Variants in HIPK1 observed in about 807,000 individuals in gnomAD.
The protein encoded by HIPK1 is homeodomain interacting protein kinase 1, also known as homeodomain-interacting protein kinase 1.
HIPK1 carries 28 observed loss-of-function variants against 117.1 expected under a neutral mutation model. The observed-to-expected ratio is 0.24, with a 90% CI of 0.18 to 0.33. The LOEUF (loss-of-function observed/expected upper bound fraction) is 0.33. Among genes scored for constraint, HIPK1 ranks in the 10% least tolerant of loss-of-function variants. The pLI is 1.00. For synonymous variants in HIPK1, 605 were observed against 562.5 expected, an observed-to-expected ratio of 1.08 and a Z score of -1.07; for missense variants, 1,122 against 1,475.1, an observed-to-expected ratio of 0.76 and a Z score of 3.92.
At chr1:113,971,796 A>G (rs754432055) in intron 14 of HIPK1, 28 bp from the exon 15 acceptor site, 69 of 1,583,172 alleles carry the variant, frequency 4.4e-5, no homozygotes, top group Non-Finnish European at 5.3e-5. Flanking sequence ...ATGTCTACTC[A>G]TAACTATTAA....
At chr1:113,967,999 T>C (rs747213519) in intron 12 of HIPK1, 51 bp downstream of exon 12, 6 of 1,507,730 alleles carry the variant, frequency 4.0e-6, no homozygotes, top group Admixed American at 2.1e-5. Context: ...TTGAGAGATA[T>C]GTTGCCTTGC....
chr1:113,958,096 G>A lies in HIPK1; in HGVS notation c.1786G>A (p.Ala596Thr). The A allele has an allele frequency of 1.2e-6, 2 of 1,614,016 alleles. No homozygotes were observed. Among genetic ancestry groups the A allele is most frequent in the Non-Finnish European group, 1.7e-6 (2 of 1,179,928 alleles). Residue 596 changes from alanine to threonine, a missense_variant, in exon 8 of 16, where the codon GCA becomes ACA. Ala to Thr is a moderately conservative substitution (Grantham distance 58). This residue lies in a region of HIPK1 where 731 missense variants were observed against 860.4 expected (regional missense o/e 0.85). Coordinates refer to ENST00000426820, the MANE Select transcript of HIPK1 (RefSeq NM_198268.3). ...ASVLASSSTA[A>T]AATLSLANSD... is the part of the protein sequence containing the mutation. ...TGTTCTAGCTTCCAGTTCTACTGCA[G>A]CAGCTGCTACTCTTTCTCTGGCTAA...
intron 1 of HIPK1, among the ~76,000 whole-genome samples, chr1:113,938,352 G>T (rs549232574): frequency 1.1e-4 from 17 of 150,590 alleles, no homozygotes; most frequent in Non-Finnish European, 2.2e-4. Context: ...TGATCCTCCT[G>T]CCTGGGCCTC....
At chr1:113,950,982 A>G (rs1245286299) in intron 2 of HIPK1, among the ~76,000 whole-genome samples, 1 of 152,240 alleles carries the variant, frequency 6.6e-6, no homozygotes, top group Non-Finnish European at 1.5e-5. Flanking sequence ...CCATTAAACT[A>G]AAATATACCA....
chr1:113,938,075 C>G (rs986204308), intron 1 of HIPK1, among the ~76,000 whole-genome samples: 18 of 151,378 alleles, frequency 1.2e-4, no homozygotes, highest in African/African-American at 3.9e-4. Flanking sequence ...GATGATTTTC[C>G]TGCTTCAGCC....
intron 2 of HIPK1, among the ~76,000 whole-genome samples, chr1:113,948,876 C>T (rs776009033): frequency 1.3e-5 from 2 of 151,986 alleles, no homozygotes; most frequent in Non-Finnish European, 2.9e-5. Flanking sequence ...TTCGCTCTTA[C>T]GCCCAGTCTG....
At chr1:113,930,299 C>G (rs1669781226) in intron 1 of HIPK1, among the ~76,000 whole-genome samples, 1 of 152,248 alleles carries the variant, frequency 6.6e-6, no homozygotes, top group South Asian at 2.1e-4. Context: ...CAGTGTGTGG[C>G]TTGTGCGTGT....
In HIPK1 at chr1:113,947,468, C is replaced by G. The variant is rs191844202; in HGVS notation, c.1077-5298C>G. On this transcript the variant is annotated intron_variant, in intron 2 of 15. Coordinates refer to ENST00000426820, the MANE Select transcript of HIPK1 (RefSeq NM_198268.3). The stretch of plus-strand genomic sequence containing the variant: ...CTCTGGCAGTCAAAATATAGTTTCA[C>G]CTAAGCCACTGATGCAGGAAGTTAG... 5.1e-4 allele frequency among the ~76,000 whole-genome samples: 78 copies of G among 152,272 alleles called. 1 individual carries two copies. In the East Asian group the frequency reaches 0.013, roughly 25 times the overall value.
intron 1 of HIPK1, among the ~76,000 whole-genome samples, chr1:113,930,326 C>T (rs1445292926): frequency 6.6e-6 from 1 of 152,230 alleles, no homozygotes; most frequent in Non-Finnish European, 1.5e-5. Flanking sequence ...CACAGCTCCG[C>T]TTATCACCAT....
At chr1:113,929,654 G>A in intron 1 of HIPK1, 122 bp downstream of exon 1, 14 of 973,036 alleles carry the variant, frequency 1.4e-5, no homozygotes, top group Non-Finnish European at 1.8e-5. Context: ...CGGAGCAAGG[G>A]GCCCGGCGGT....
At chr1:113,929,800 G>A (rs1211480872) in intron 1 of HIPK1, 7 of 973,844 alleles carry the variant, frequency 7.2e-6, no homozygotes, top group Non-Finnish European at 8.5e-6. Context: ...CGCGGGGACG[G>A]CTCCGGGGGG....
chr1:113,954,126 A>T (rs997589500), intron 3 of HIPK1, among the ~76,000 whole-genome samples: 1 of 151,950 alleles, frequency 6.6e-6, no homozygotes, highest in Non-Finnish European at 1.5e-5. Context: ...TTGCCTAGCT[A>T]ATTCTTTTAT....
At chr1:113,956,048 T>A (rs1398228279) in intron 5 of HIPK1, among the ~76,000 whole-genome samples, 1 of 151,672 alleles carries the variant, frequency 6.6e-6, no homozygotes, top group Non-Finnish European at 1.5e-5. Flanking sequence ...ACAATCACTA[T>A]TGCTTAGCTA....
At chr1:113,940,060 C>T (rs1486412198) in intron 1 of HIPK1, among the ~76,000 whole-genome samples, 3 of 151,764 alleles carry the variant, frequency 2.0e-5, no homozygotes, top group Admixed American at 6.6e-5. Context: ...CTGCCTTGGC[C>T]TCCCAAAGTG....
At chr1:113,929,842 G>C (rs1006312756) in intron 1 of HIPK1, 9 of 987,670 alleles carry the variant, frequency 9.1e-6, no homozygotes, top group Admixed American at 1.2e-4. Flanking sequence ...GCTCGCGCGG[G>C]GGGTATGATG....
At chr1:113,970,866 G>T (rs7522987) in intron 14 of HIPK1, among the ~76,000 whole-genome samples, 114,101 of 152,128 alleles carry the variant, frequency 0.75, 43,648 homozygotes, top group African/African-American at 0.92. Flanking sequence ...GAAAGAAAGT[G>T]TGAAGGAGGC....
rs868153944 is a variant in HIPK1 at position 113,970,149 on chromosome 1, C to T, written c.2965C>T (p.Pro989Ser). ...TGGCACCCGCACTATCATTGTGCCT[C>T]CACTGAAAACTCAGCTTGGTGACTG... ...GTGTRTIIVPPLKTQLGDCTV... is the reference protein window; with the variant it reads ...GTGTRTIIVPSLKTQLGDCTV... Residue 989 changes from proline (P) to serine (S), a missense_variant, in exon 14 of 16, where the codon CCA becomes TCA. Physicochemically the swap from Pro to Ser is moderately conservative, Grantham distance 74. Coordinates refer to ENST00000426820, the MANE Select transcript of HIPK1 (RefSeq NM_198268.3). 6.2e-7 allele frequency: 1 copy of T among 1,614,144 alleles called. No individual in the cohort carries two copies. The highest frequency in any genetic ancestry group is 2.2e-5 in the East Asian group (1 of 44,888).
At position 113,971,971 on chromosome 1, in the gene HIPK1, A is replaced by T. The variant is rs199772457; in HGVS notation, c.3144+17A>T. ...CTTAGCCAGGTAAGTGCTATGGGCTACTGCCTTCTGTTTGGGCCCTGCACT... is the reference window on the plus strand; with the variant it reads ...CTTAGCCAGGTAAGTGCTATGGGCTTCTGCCTTCTGTTTGGGCCCTGCACT... On this transcript the variant is annotated intron_variant, in intron 15 of 15. Coordinates refer to ENST00000426820, the MANE Select transcript of HIPK1 (RefSeq NM_198268.3). The T allele has an allele frequency of 2.5e-5, 41 of 1,612,770 alleles. No homozygotes were observed. Among genetic ancestry groups the T allele is most frequent in the Non-Finnish European group, 4.2e-6 (5 of 1,179,504 alleles).
chr1:113,967,845 A>T lies in HIPK1; in HGVS notation c.2461A>T (p.Thr821Ser), dbSNP rs754383626. 1.9e-6 allele frequency: 3 copies of T among 1,612,786 alleles called. No homozygotes were observed. In the South Asian group the frequency reaches 3.3e-5, roughly 18 times the overall value. ...SLLTNHVTLA[T>S]AQPLNVGVAH... ...GCTGACTAACCATGTGACATTGGCC[A>T]CTGCTCAGCCTCTGAATGTTGGTGT... Residue 821 changes from threonine to serine, a missense_variant, in exon 12 of 16, where the codon ACT (threonine) becomes TCT (serine). Thr to Ser is a moderately conservative substitution (Grantham distance 58). This residue lies in a region of HIPK1 where 731 missense variants were observed against 860.4 expected (regional missense o/e 0.85). Coordinates refer to ENST00000426820, the MANE Select transcript of HIPK1 (RefSeq NM_198268.3).
Sources: allele counts gnomAD v4.1 joint callset (sites outside exome capture counted in the v4.1 genomes callset), GRCh38; gene constraint gnomAD v4.1.1; regional missense constraint gnomAD v4.1.1; transcripts MANE v1.5; gene names NCBI Gene and HGNC (gene_info 2026-07-23, HGNC 2026-07-21).